Variants in PSMD3 observed in about 807,000 individuals in gnomAD.
PSMD3 encodes proteasome 26S subunit, non-ATPase 3.
PSMD3 carries 5 observed loss-of-function variants against 62.8 expected under a neutral mutation model. That is an observed-to-expected ratio of 0.08 (90% confidence interval 0.04 to 0.17). The LOEUF (loss-of-function observed/expected upper bound fraction) is 0.17. PSMD3 is among the 10% of genes least tolerant of loss of function. The pLI is 1.00. For synonymous variants in PSMD3, 265 were observed against 283.9 expected (o/e 0.93, Z 0.67); for missense variants, 524 against 713.6 (o/e 0.73, Z 3.03).
chr17:39,995,361 A>G lies in PSMD3; in HGVS notation c.1217-63A>G. On this transcript the variant is annotated intron_variant, in intron 8 of 11. Coordinates refer to ENST00000264639, the MANE Select transcript of PSMD3 (RefSeq NM_002809.4). The surrounding 1 kb of genome is among the most constrained non-coding windows in gnomAD (Gnocchi z 4.1). ...CCAGGCCAGGGCAAACCTAGTGGGT[A>G]TCCTTGGGCAAGTGAAGGGTCTGTG... 6.2e-7 allele frequency: 1 copy of G among 1,613,598 alleles called. No individual in the cohort carries two copies. Among genetic ancestry groups the G allele is most frequent in the Non-Finnish European group, 8.5e-7 (1 of 1,179,566 alleles).
chr17:39,996,436 C>T lies in PSMD3; in HGVS notation c.1476+98C>T. On this transcript the variant is annotated intron_variant, in intron 10 of 11. Transcript: ENST00000264639. The surrounding 1 kb of genome is among the most constrained non-coding windows in gnomAD (Gnocchi z 5.1). Reference sequence around the variant, plus strand: ...GAGAAGACTGGCTTAATTTGTGGCCCACGTCCCAGCCAATCTCTGTAAAAT... The same window carrying T: ...GAGAAGACTGGCTTAATTTGTGGCCTACGTCCCAGCCAATCTCTGTAAAAT... 2 of 1,448,998 alleles carry T rather than the reference C, an allele frequency of 1.4e-6. No individual in the cohort carries two copies. Among genetic ancestry groups the T allele is most frequent in the East Asian group, 2.3e-5 (1 of 43,920 alleles). The allele number at this position is 1,448,998 out of a possible 1,614,324, so 89.8% of individuals were successfully genotyped here. A position where few individuals can be genotyped will look rare whatever the true frequency, so the allele number is the denominator to read the frequency against.
At position 39,989,915 on chromosome 17, in the gene PSMD3, A is replaced by G; in HGVS notation, c.863A>G (p.Tyr288Cys). Reference protein sequence around the residue: ...EQANNNEWARYLYYTGRIKAI... With the variant: ...EQANNNEWARCLYYTGRIKAI... ...GCCAACAACAATGAGTGGGCCAGGTACCTCTACTACACAGGTGAGCAGAGG... is the reference window on the plus strand; with the variant it reads ...GCCAACAACAATGAGTGGGCCAGGTGCCTCTACTACACAGGTGAGCAGAGG... Residue 288 changes from tyrosine (Y) to cysteine (C), a missense_variant, in exon 5 of 12, where the codon TAC becomes TGC. Around this residue, in one of 4 missense-constraint regions of PSMD3, gnomAD observed 396 missense variants for 475.8 expected, o/e 0.83. Transcript: ENST00000264639. 1 of 1,613,838 alleles carries G rather than the reference A, an allele frequency of 6.2e-7. No homozygotes were observed. The highest frequency in any genetic ancestry group is 8.5e-7 in the Non-Finnish European group (1 of 1,179,864).
intron 1 of PSMD3, among the ~76,000 whole-genome samples, chr17:39,981,400 C>A (rs186349684): frequency 6.6e-6 from 1 of 152,244 alleles, no homozygotes; most frequent in African/African-American, 2.4e-5. Context: ...CCCTCCCATC[C>A]CCTCCATCCC....
At position 39,997,844 on chromosome 17, in the gene PSMD3, A is replaced by C; in HGVS notation, c.*263A>C. The C allele has an allele frequency of 1.8e-6, 1 of 553,932 alleles. No individual in the cohort carries two copies. The highest frequency in any genetic ancestry group is 3.3e-6 in the Non-Finnish European group (1 of 306,824). 34.3% of individuals were successfully genotyped at this position (553,932 alleles called of 1,614,324 possible). A position where few individuals can be genotyped will look rare whatever the true frequency, so the allele number is the denominator to read the frequency against. ...CCAGCAGTGTGGGAGCAGGAGGGGA[A>C]GGATAGTTCTGTGTACTCCTTTAGG... is the stretch of plus-strand genomic sequence containing the variant. On this transcript the variant is annotated 3_prime_UTR_variant, in exon 12 of 12. Transcript: ENST00000264639.
intron 5 of PSMD3, 63 bp from the exon 6 acceptor site, chr17:39,990,031 C>T: frequency 6.3e-7 from 1 of 1,593,858 alleles, no homozygotes; most frequent in Non-Finnish European, 8.6e-7. Context: ...GGCACCCTGG[C>T]TTGTCGGTGG....
chr17:39,984,320 G>A lies in PSMD3; in HGVS notation c.247G>A (p.Glu83Lys). Reference sequence around the variant, plus strand: ...CATCAAGGAGCACGTGAAACAGCTAGAGAAAGCGGTTTCAGGCAAGGAGCC... The same window carrying A: ...CATCAAGGAGCACGTGAAACAGCTAAAGAAAGCGGTTTCAGGCAAGGAGCC... ...EDIKEHVKQL[E>K]KAVSGKEPRF... is the part of the protein sequence containing the mutation. Residue 83 changes from glutamate (E) to lysine (K), a missense_variant, in exon 2 of 12, where the codon GAG (glutamate) becomes AAG (lysine). Coordinates refer to ENST00000264639, the MANE Select transcript of PSMD3 (RefSeq NM_002809.4). 6.2e-7 allele frequency: 1 copy of A among 1,613,244 alleles called. No homozygotes were observed. The highest frequency in any genetic ancestry group is 8.5e-7 in the Non-Finnish European group (1 of 1,179,784).
rs1212990303 is a variant in PSMD3, at chr17:39,984,436, C to G, written c.363C>G (p.Phe121Leu). 4.6e-5 allele frequency: 74 copies of G among 1,613,336 alleles called. No individual in the cohort carries two copies. Among genetic ancestry groups the G allele is most frequent in the Non-Finnish European group, 6.2e-5 (73 of 1,179,738 alleles). The change falls in exon 2 of 12, where the codon TTC becomes TTG. Residue 121 changes from phenylalanine to leucine, a missense_variant. Transcript: ENST00000264639. ...TGTATAAGGCTGTGCAGGGCTTCTT[C>G]ACTTCAAATAATGCCACTCGAGACT... ...YVLYKAVQGFFTSNNATRDFL... is the reference protein window; with the variant it reads ...YVLYKAVQGFLTSNNATRDFL...
In PSMD3 at chr17:39,997,506, A is replaced by G. The variant is rs1232658300; in HGVS notation, c.1530A>G (p.Glu510=). The change falls in exon 12 of 12, where the codon GAA becomes GAG. Residue 510 remains glutamate, a splice_region_variant and synonymous_variant. Coordinates refer to ENST00000264639, the MANE Select transcript of PSMD3 (RefSeq NM_002809.4). ...SYNKDLESAE[E]RREREQQDLE... is the part of the protein sequence containing the mutation. ...GCCTCACTTGCCTCTCTCCCCAGGA[A>G]CGGCGTGAGCGAGAACAGCAGGACT... is the stretch of plus-strand genomic sequence containing the variant. 1.2e-6 allele frequency: 2 copies of G among 1,610,764 alleles called. No individual in the cohort carries two copies. The highest frequency in any genetic ancestry group is 1.3e-5 in the African/African-American group (1 of 74,816).
chr17:39,984,524 C>A, intron 2 of PSMD3, 40 bp downstream of exon 2: 1 of 1,520,066 alleles, frequency 6.6e-7, no homozygotes, highest in South Asian at 1.2e-5. Context: ...CAGGCCTGGC[C>A]TCAGATCCCC....
At chr17:39,992,085 G>A (rs1980671105) in intron 6 of PSMD3, among the ~76,000 whole-genome samples, 1 of 151,694 alleles carries the variant, frequency 6.6e-6, no homozygotes. Flanking sequence ...TTTTCACAAG[G>A]AGTAAAGGCT....
In PSMD3 at chr17:39,995,824, G is replaced by T. The variant is rs1980768439; in HGVS notation, c.1320+297G>T. ...GAACAAGATGTTCTCTGACTTAGAA[G>T]ATGGGCGTGCTGGGCCAGGCGCAGT... On this transcript the variant is annotated intron_variant, in intron 9 of 11. Transcript: ENST00000264639. This position sits in a 1 kb window ranked among gnomAD's most constrained non-coding sequence, Gnocchi z 4.1. 4 of 498,312 alleles carry T rather than the reference G, an allele frequency of 8.0e-6. No homozygotes were observed. Among genetic ancestry groups the T allele is most frequent in the South Asian group, 4.1e-5 (2 of 49,048 alleles). The allele number at this position is 498,312 out of a possible 1,614,324, so 30.9% of individuals were successfully genotyped here.
chr17:39,990,286 C>A, intron 6 of PSMD3, 89 bp downstream of exon 6: 2 of 1,197,160 alleles, frequency 1.7e-6, no homozygotes, highest in South Asian at 2.9e-5. Flanking sequence ...TGGTCTTGAA[C>A]TCCTGGGTTC....
intron 1 of PSMD3, among the ~76,000 whole-genome samples, chr17:39,984,054 G>A (rs1288067235): frequency 6.6e-6 from 1 of 152,056 alleles, no homozygotes. Flanking sequence ...AAAAAATTTA[G>A]CCAGGCGTGG....
intron 2 of PSMD3, among the ~76,000 whole-genome samples, chr17:39,985,222 CT>C (rs1227753185): frequency 6.6e-6 from 1 of 152,114 alleles, no homozygotes; most frequent in Admixed American, 6.5e-5. Context: ...GGTGACCCCC[CT>C]ACCTCAAAAC....
At chr17:39,986,507 A>G in intron 2 of PSMD3, 68 bp from the exon 3 acceptor site, 3 of 1,563,270 alleles carry the variant, frequency 1.9e-6, no homozygotes, top group Non-Finnish European at 2.6e-6. Flanking sequence ...TACATAGTGG[A>G]TGCTCAATAA....
rs750093218 is a variant in PSMD3 at position 39,995,005 on chromosome 17, C to A, written c.1033C>A (p.Arg345=). 3 of 1,614,146 alleles carry A rather than the reference C, an allele frequency of 1.9e-6. No individual in the cohort carries two copies. Among genetic ancestry groups the A allele is most frequent in the African/African-American group, 1.3e-5 (1 of 75,032 alleles). The change falls in exon 7 of 12, where the codon CGG becomes AGG. Residue 345 remains arginine, a synonymous_variant. Transcript: ENST00000264639. The surrounding 1 kb of genome is among the most constrained non-coding windows in gnomAD (Gnocchi z 4.1). ...GCTGTTGCTGGGGGAGATCCCTGAC[C>A]GGCTGCAGTTCCGCCAGCCCTCCCT... is the stretch of plus-strand genomic sequence containing the variant. The part of the protein sequence containing the change: ...VELLLGEIPD[R]LQFRQPSLKR...
intron 2 of PSMD3, among the ~76,000 whole-genome samples, chr17:39,985,804 A>G (rs1293600106): frequency 6.6e-6 from 1 of 152,226 alleles, no homozygotes; most frequent in East Asian, 1.9e-4. Context: ...GTGACAACAT[A>G]GGAAAATATG....
chr17:39,995,312 G>C lies in PSMD3; in HGVS notation c.1216+17G>C. The C allele has an allele frequency of 6.2e-7, 1 of 1,614,100 alleles. No individual in the cohort carries two copies. The highest frequency in any genetic ancestry group is 1.7e-5 in the Admixed American group (1 of 60,004). ...TTAAGACAGGTGTGGATCAGGATCT[G>C]AGGGGCTGTTGGAGGAGCAGAAGCC... On this transcript the variant is annotated intron_variant, in intron 8 of 11. Transcript: ENST00000264639. This position sits in a 1 kb window ranked among gnomAD's most constrained non-coding sequence, Gnocchi z 4.1.
Position 39,990,167 on chromosome 17 carries a change from T to G in PSMD3, c.951T>G (p.Pro317=). Residue 317 remains proline (P), a synonymous_variant, in exon 6 of 12, where the codon CCT becomes CCG. Coordinates refer to ENST00000264639, the MANE Select transcript of PSMD3 (RefSeq NM_002809.4). The part of the protein sequence containing the change: ...RTMTNALRKA[P]QHTAVGFKQT... ...TGACCAACGCCCTTCGCAAGGCCCCTCAGCACACAGCTGTCGGCTTCAAAC... is the reference window on the plus strand; with the variant it reads ...TGACCAACGCCCTTCGCAAGGCCCCGCAGCACACAGCTGTCGGCTTCAAAC... The G allele has an allele frequency of 2.5e-6, 4 of 1,612,460 alleles. No homozygotes were observed. The highest frequency in any genetic ancestry group is 3.4e-6 in the Non-Finnish European group (4 of 1,179,748).
Sources: gnomAD v4.1 joint callset for allele counts (sites outside exome capture counted in the v4.1 genomes callset) on GRCh38, gnomAD v4.1.1 for gene constraint, gnomAD v4.1.1 regional missense constraint, Gnocchi (gnomAD v3.1) non-coding constraint, MANE v1.5 for transcripts, NCBI Gene and HGNC (gene_info 2026-07-23, HGNC 2026-07-21) for gene names.